Variants in RNLS observed in about 807,000 individuals in gnomAD.
The protein encoded by RNLS is renalase, FAD dependent amine oxidase, also known as renalase.
A neutral mutation model predicts 39.8 loss-of-function variants in RNLS; 39 were observed. The ratio of observed to expected loss-of-function variants is 0.98; its 90% CI spans 0.76 to 1.28. The LOEUF (loss-of-function observed/expected upper bound fraction) is 1.28. Ranked by LOEUF, RNLS falls within the 50% of genes most tolerant of loss-of-function variation. The probability of loss-of-function intolerance (pLI) is 0.00; values close to 1 mark genes in which losing one functional copy is unlikely to be tolerated. For synonymous variants in RNLS, 147 were observed against 150.7 expected, an observed-to-expected ratio of 0.98 and a Z score of 0.18; for missense variants, 410 against 413.3, an observed-to-expected ratio of 0.99 and a Z score of 0.07.
chr10:88,331,733 G>A (rs958066719), intron 5 of RNLS, among the ~76,000 whole-genome samples: 1 of 152,134 alleles, frequency 6.6e-6, no homozygotes, highest in Non-Finnish European at 1.5e-5. Flanking sequence ...TGATACGTTT[G>A]CCCTTCTCCA....
chr10:88,240,278 T>C, the RNLS span, among the ~76,000 whole-genome samples: 1 of 152,224 alleles, frequency 6.6e-6, no homozygotes, highest in Non-Finnish European at 1.5e-5. Flanking sequence ...AGCTTTGGGC[T>C]AGTGCAACAA....
At chr10:88,202,379 C>T in the RNLS span, among the ~76,000 whole-genome samples, 1 of 152,062 alleles carries the variant, frequency 6.6e-6, no homozygotes, top group Non-Finnish European at 1.5e-5. Flanking sequence ...AGCACACCAA[C>T]ATGGCACACG....
At chr10:88,505,717 A>G (rs1365678638) in intron 4 of RNLS, among the ~76,000 whole-genome samples, 1 of 152,100 alleles carries the variant, frequency 6.6e-6, no homozygotes, top group African/African-American at 2.4e-5. Context: ...CCCACAGATA[A>G]CTCATTAATT....
the RNLS span, among the ~76,000 whole-genome samples, chr10:88,196,353 A>C: frequency 1.0e-3 from 159 of 152,344 alleles, no homozygotes; most frequent in Non-Finnish European, 1.8e-3. Flanking sequence ...GATCCTCTCT[A>C]TCTATTCTAT....
Position 88,298,921 on chromosome 10 carries a change from C to T in RNLS, c.877-13415G>A, listed in dbSNP as rs534957818. On this transcript the variant is annotated intron_variant, in intron 6 of 6. Transcript: ENST00000331772. ...AGATCACTCTGGTTAATACTGCCAT[C>T]TTAAAAATATTACCTCTTTCAATAT... Among the ~76,000 whole-genome samples the T allele has an allele frequency of 8.5e-5, 13 of 152,262 alleles. No individual in the cohort carries two copies. In the South Asian group the frequency reaches 2.7e-3, roughly 32 times the overall value.
At chr10:88,501,388 C>T (rs531806199) in intron 4 of RNLS, among the ~76,000 whole-genome samples, 5 of 152,058 alleles carry the variant, frequency 3.3e-5, no homozygotes, top group Admixed American at 6.6e-5. Flanking sequence ...AGTTCTCTCC[C>T]CAAACACTAT....
chr10:88,452,757 C>T (rs767005822), intron 4 of RNLS, among the ~76,000 whole-genome samples: 6 of 152,192 alleles, frequency 3.9e-5, no homozygotes, highest in Non-Finnish European at 7.3e-5. Context: ...GGGTCAACAT[C>T]CTGGCAAATA....
At chr10:88,202,104 A>G in the RNLS span, among the ~76,000 whole-genome samples, 1 of 152,088 alleles carries the variant, frequency 6.6e-6, no homozygotes, top group Non-Finnish European at 1.5e-5. Context: ...TACACCATGG[A>G]ATACTATGCA....
At chr10:88,264,340 A>T in the RNLS span, among the ~76,000 whole-genome samples, 1 of 152,190 alleles carries the variant, frequency 6.6e-6, no homozygotes, top group East Asian at 1.9e-4. Flanking sequence ...AGATACCAGT[A>T]GTGGTATTGC....
intron 5 of RNLS, among the ~76,000 whole-genome samples, chr10:88,333,794 C>T (rs756270427): frequency 2.0e-5 from 3 of 152,174 alleles, no homozygotes; most frequent in Middle Eastern, 3.2e-3. Context: ...ATGAGGGCTA[C>T]GACTTCTTGA....
intron 4 of RNLS, among the ~76,000 whole-genome samples, chr10:88,570,759 C>T (rs190551004): frequency 2.6e-5 from 4 of 152,246 alleles, no homozygotes; most frequent in African/African-American, 7.2e-5. Flanking sequence ...CAGATTGTTG[C>T]CAGCTAGGGC....
rs111825445 is a variant in RNLS at position 88,464,246 on chromosome 10, T to G, written c.527-101521A>C. ...GTAGAAACAGCACTGGAAATCGATA[T>G]CATCAGCAAGGGAAAGAAGTGATGA... On this transcript the variant is annotated intron_variant, in intron 4 of 6. Coordinates refer to ENST00000331772, the MANE Select transcript of RNLS (RefSeq NM_001031709.3). Among the ~76,000 whole-genome samples the G allele has an allele frequency of 2.6e-5, 4 of 152,246 alleles. No homozygotes were observed. The South Asian group carries it at 8.3e-4, about 32-fold the overall frequency.
intron 4 of RNLS, among the ~76,000 whole-genome samples, chr10:88,563,331 A>G (rs902800983): frequency 6.6e-6 from 1 of 152,178 alleles, no homozygotes; most frequent in African/African-American, 2.4e-5. Flanking sequence ...TTTAGTGAAA[A>G]GAATCTTTAT....
chr10:88,331,959 A>G (rs1847151005), intron 5 of RNLS, among the ~76,000 whole-genome samples: 1 of 152,194 alleles, frequency 6.6e-6, no homozygotes, highest in South Asian at 2.1e-4. Context: ...CTGAGAGAGA[A>G]GTAAACATGC....
intron 4 of RNLS, among the ~76,000 whole-genome samples, chr10:88,529,396 A>G (rs1435234425): frequency 6.6e-6 from 1 of 152,154 alleles, no homozygotes; most frequent in Non-Finnish European, 1.5e-5. Context: ...AGCTATACAC[A>G]TTCTTCCAAC....
rs548074567 is a variant in RNLS, at chr10:88,379,065, A to C, written c.527-16340T>G. 1.1e-3 allele frequency among the ~76,000 whole-genome samples: 167 copies of C among 152,308 alleles called. 1 individual carries two copies. Among genetic ancestry groups the C allele is most frequent in the African/African-American group, 3.8e-3 (157 of 41,570 alleles). ...TTTATTTACAGCAGCATCACCACAA[A>C]CATATGAGCAATGCATTTTGCTCTG... On this transcript the variant is annotated intron_variant, in intron 4 of 6. Transcript: ENST00000331772.
At chr10:88,575,260 A>T (rs1175805876) in intron 3 of RNLS, among the ~76,000 whole-genome samples, 1 of 144,612 alleles carries the variant, frequency 6.9e-6, no homozygotes, top group East Asian at 2.0e-4. Context: ...CAAGGTGTAT[A>T]TGTATATGTG....
Position 88,310,108 on chromosome 10 carries a change from T to C in RNLS, c.876+4358A>G, listed in dbSNP as rs531433022. 8.1e-4 allele frequency among the ~76,000 whole-genome samples: 124 copies of C among 152,160 alleles called. 1 individual carries two copies. The South Asian group carries it at 9.4e-3, about 11-fold the overall frequency. On this transcript the variant is annotated intron_variant, in intron 6 of 6. Coordinates refer to ENST00000331772, the MANE Select transcript of RNLS (RefSeq NM_001031709.3). ...GGAGTGTGCCTGTAGCCCCAGCTAC[T>C]TGGGGGCTGAGGAGGATTGCTTGAG...
At chr10:88,490,116 G>C (rs1444842403) in intron 4 of RNLS, among the ~76,000 whole-genome samples, 5 of 152,106 alleles carry the variant, frequency 3.3e-5, no homozygotes. Flanking sequence ...ATTTCAATTT[G>C]TTCACTTAAT....
Sources: gnomAD v4.1 joint callset for allele counts (sites outside exome capture counted in the v4.1 genomes callset) on GRCh38, gnomAD v4.1.1 for gene constraint, MANE v1.5 for transcripts, NCBI Gene and HGNC (gene_info 2026-07-23, HGNC 2026-07-21) for gene names.